The following FAH variants were observed in gnomAD, a reference collection of about 807,000 sequenced individuals.
FAH encodes the protein fumarylacetoacetate hydrolase.
FAH carries 47 observed loss-of-function variants against 55.8 expected under a neutral mutation model. The ratio of observed to expected loss-of-function variants is 0.84; its 90% CI spans 0.67 to 1.07. The LOEUF is 1.07. Among genes scored for constraint, FAH ranks in the 50% least tolerant of loss-of-function variants. FAH has a pLI of 0.00. For synonymous variants in FAH, 199 were observed against 207.7 expected (o/e 0.96, Z 0.36); for missense variants, 495 against 545.9 (o/e 0.91, Z 0.93).
At chr15:80,161,604 C>T (rs1015479682) in intron 4 of FAH, among the ~76,000 whole-genome samples, 1 of 152,224 alleles carries the variant, frequency 6.6e-6, no homozygotes, top group African/African-American at 2.4e-5. Context: ...TCAACAAGCA[C>T]TGATATGCAT....
intron 1 of FAH, among the ~76,000 whole-genome samples, chr15:80,155,575 C>T (rs981293962): frequency 1.1e-4 from 16 of 151,930 alleles, no homozygotes; most frequent in East Asian, 3.9e-4. Context: ...TGTGCGGAAA[C>T]GAGAGATTGT....
chr15:80,172,310 T>C, intron 8 of FAH, 62 bp downstream of exon 8: 1 of 1,264,418 alleles, frequency 7.9e-7, no homozygotes, highest in Non-Finnish European at 1.2e-6. Flanking sequence ...CTTGGGGCAA[T>C]TTCATAGAAG....
intron 1 of FAH, among the ~76,000 whole-genome samples, chr15:80,155,598 C>CACA (rs2041091393): frequency 6.6e-6 from 1 of 152,084 alleles, no homozygotes; most frequent in Admixed American, 6.6e-5. Flanking sequence ...GAAATAAAGA[C>CACA]ACAAGACAAA....
chr15:80,167,389 ATCT>A (rs1175601612), intron 5 of FAH: 5 of 152,484 alleles, frequency 3.3e-5, no homozygotes, highest in Admixed American at 3.3e-4. Flanking sequence ...TCCTTTCTAC[ATCT>A]TCTCTTCTCT....
chr15:80,185,306 T>C (rs991999846), intron 13 of FAH, among the ~76,000 whole-genome samples: 3 of 152,180 alleles, frequency 2.0e-5, no homozygotes, highest in Non-Finnish European at 4.4e-5. Flanking sequence ...TTTGCTCCCA[T>C]CATCCTTGCA....
In FAH at chr15:80,172,136, T is replaced by A. The variant is rs749087516; in HGVS notation, c.607-13T>A. The A allele has an allele frequency of 6.3e-7, 1 of 1,598,682 alleles. No individual in the cohort carries two copies. Among genetic ancestry groups the A allele is most frequent in the South Asian group, 1.1e-5 (1 of 90,728 alleles). On this transcript the variant is annotated splice_polypyrimidine_tract_variant and intron_variant, in intron 7 of 13. Transcript: ENST00000561421. ...ATCAGCTCCAGATTCTAATGAACTC[T>A]CCCCCATGTAAGGCTTTTTTTGTAG...
chr15:80,152,987 G>A, upstream of FAH: 6 of 1,431,032 alleles, frequency 4.2e-6, no homozygotes, highest in East Asian at 2.3e-5. Flanking sequence ...CCTGACCACA[G>A]CGGCCGAGTT....
chr15:80,172,422 A>G (rs1454517077), intron 8 of FAH, among the ~76,000 whole-genome samples, 174 bp downstream of exon 8: 1 of 149,174 alleles, frequency 6.7e-6, no homozygotes, highest in Non-Finnish European at 1.5e-5. Context: ...CGGGCCACTC[A>G]CTTAACTCCT....
chr15:80,168,921 T>G (rs1255755698), intron 7 of FAH, among the ~76,000 whole-genome samples: 1 of 152,180 alleles, frequency 6.6e-6, no homozygotes, highest in East Asian at 1.9e-4. Context: ...CAAAATATAT[T>G]ACATAAAGCA....
intron 10 of FAH, among the ~76,000 whole-genome samples, chr15:80,175,598 C>T (rs531454900): frequency 2.0e-5 from 3 of 152,174 alleles, no homozygotes; most frequent in Non-Finnish European, 4.4e-5. Context: ...GAGATCCCCA[C>T]CCTGGGCCAG....
chr15:80,166,640 T>C (rs6495476), intron 5 of FAH, among the ~76,000 whole-genome samples: 13,246 of 146,490 alleles, frequency 0.09, 654 homozygotes, highest in African/African-American at 0.13. Context: ...ATTTTCTTTT[T>C]TTTTTTTTTT....
intron 11 of FAH, 88 bp from the exon 12 acceptor site, chr15:80,180,036 G>A (rs960708108): frequency 1.0e-5 from 10 of 989,072 alleles, no homozygotes; most frequent in African/African-American, 8.0e-5. Context: ...GAAGGCGGTC[G>A]TGAGCAGGGC....
chr15:80,169,457 A>G (rs186709752), intron 7 of FAH, among the ~76,000 whole-genome samples: 85 of 152,330 alleles, frequency 5.6e-4, no homozygotes, highest in African/African-American at 1.9e-3. Context: ...TATCAGCCCC[A>G]TGGCTGGGCC....
chr15:80,174,420 C>A (rs948083766), intron 9 of FAH, among the ~76,000 whole-genome samples: 1 of 152,228 alleles, frequency 6.6e-6, no homozygotes, highest in Non-Finnish European at 1.5e-5. Context: ...AAGAAGGGAA[C>A]TTTATATTCC....
intron 10 of FAH, among the ~76,000 whole-genome samples, chr15:80,176,259 A>G (rs1428198785): frequency 6.6e-6 from 1 of 151,864 alleles, no homozygotes; most frequent in Admixed American, 6.6e-5. Flanking sequence ...TAGGTGGTCT[A>G]CCCACCTAGG....
upstream of FAH, chr15:80,152,829 G>C: frequency 1.9e-6 from 1 of 530,946 alleles, no homozygotes; most frequent in Non-Finnish European, 3.4e-6. Context: ...ACCTGGAGCT[G>C]GCGGGGGTCA....
chr15:80,173,095 TGGTG>T lies in FAH; in HGVS notation c.789_792del (p.Val264ProfsTer39). On this transcript the variant is annotated frameshift_variant, in exon 9 of 14. Transcript: ENST00000561421. LOFTEE classifies it high-confidence loss of function. ...TTTGGGACCACTGTCTCTCCGTGGG[TGGTG>T]CCCATGGATGCTCTCATGCCCTTTG... The T allele has an allele frequency of 1.9e-6, 3 of 1,614,128 alleles. No individual in the cohort carries two copies. The highest frequency in any genetic ancestry group is 2.5e-6 in the Non-Finnish European group (3 of 1,179,968).
At chr15:80,160,494 G>C in intron 4 of FAH, 35 bp downstream of exon 4, 1 of 1,607,830 alleles carries the variant, frequency 6.2e-7, no homozygotes, top group South Asian at 1.1e-5. Context: ...TAAGAACGGA[G>C]CAGCTTCGTG....
chr15:80,160,209 CTAGGG>C, intron 3 of FAH, 196 bp from the exon 4 acceptor site: 1 of 674,992 alleles, frequency 1.5e-6, no homozygotes, highest in Non-Finnish European at 2.7e-6. Flanking sequence ...GTCCCATTTC[CTAGGG>C]TAGAATATAG....
Sources: allele counts gnomAD v4.1 joint callset (sites outside exome capture counted in the v4.1 genomes callset), GRCh38; gene constraint gnomAD v4.1.1; transcripts MANE v1.5; gene names NCBI Gene and HGNC (gene_info 2026-07-23, HGNC 2026-07-21).